The following DPYD variants were observed in gnomAD, a reference collection of about 807,000 sequenced individuals.
DPYD encodes the protein dihydropyrimidine dehydrogenase [NADP(+)].
A neutral mutation model predicts 116.2 loss-of-function variants in DPYD; 109 were observed. The observed-to-expected ratio is 0.94, with a 90% CI of 0.80 to 1.10. DPYD has a LOEUF of 1.10. DPYD is among the 50% of genes least tolerant of loss of function. The probability of loss-of-function intolerance (pLI) is 0.00; values close to 1 mark genes in which losing one functional copy is unlikely to be tolerated. For missense variants in DPYD, 1,302 were observed against 1,254.5 expected (o/e 1.04, Z -0.57); for synonymous variants, 440 against 432.0 (o/e 1.02, Z -0.23).
intron 19 of DPYD, among the ~76,000 whole-genome samples, chr1:97,225,137 C>T (rs1306933719): frequency 6.6e-6 from 1 of 151,852 alleles, no homozygotes; most frequent in Non-Finnish European, 1.5e-5. Context: ...TAGGTCACAT[C>T]GTAGTTCTGT....
chr1:97,526,285 CCT>C (rs1200646358), intron 12 of DPYD, among the ~76,000 whole-genome samples: 2 of 151,994 alleles, frequency 1.3e-5, no homozygotes, highest in African/African-American at 4.8e-5. Flanking sequence ...CGTGCTTTGT[CCT>C]CTTTCTTTCT....
intron 20 of DPYD, among the ~76,000 whole-genome samples, chr1:97,138,973 A>G (rs184488584): frequency 6.6e-6 from 1 of 152,314 alleles, no homozygotes; most frequent in East Asian, 1.9e-4. Flanking sequence ...AATATTACCT[A>G]TCAAATAAAA....
chr1:97,673,103 A>T (rs1037159629), intron 8 of DPYD, among the ~76,000 whole-genome samples: 10 of 146,552 alleles, frequency 6.8e-5, no homozygotes, highest in African/African-American at 2.5e-4. Context: ...TGCACTTGTT[A>T]TTTTTTTTTT....
At chr1:97,227,180 C>A (rs943599473) in intron 19 of DPYD, among the ~76,000 whole-genome samples, 17 of 151,354 alleles carry the variant, frequency 1.1e-4, no homozygotes, top group African/African-American at 4.1e-4. Flanking sequence ...CAAAAATTAG[C>A]TGGATGTGGT....
At chr1:97,734,182 T>A (rs1350745919) in intron 4 of DPYD, among the ~76,000 whole-genome samples, 1 of 152,136 alleles carries the variant, frequency 6.6e-6, no homozygotes. Context: ...TCCTTAAATA[T>A]GTACTTTTAA....
intron 2 of DPYD, among the ~76,000 whole-genome samples, chr1:97,837,687 A>G (rs1015096969): frequency 3.3e-5 from 5 of 152,190 alleles, no homozygotes; most frequent in Admixed American, 2.6e-4. Context: ...GTGATTATCA[A>G]TTCTAAAATT....
intron 20 of DPYD, among the ~76,000 whole-genome samples, chr1:97,147,705 T>C (rs537504198): frequency 6.6e-6 from 1 of 152,270 alleles, no homozygotes; most frequent in African/African-American, 2.4e-5. Context: ...ATTTCTCAAG[T>C]TGTATAAAAT....
intron 2 of DPYD, among the ~76,000 whole-genome samples, chr1:97,843,344 G>C (rs1409628076): frequency 1.3e-5 from 2 of 151,992 alleles, no homozygotes; most frequent in Non-Finnish European, 2.9e-5. Context: ...CAACTCACTA[G>C]AACATTCAGA....
intron 18 of DPYD, among the ~76,000 whole-genome samples, chr1:97,294,422 C>T (rs1013383017): frequency 6.6e-6 from 1 of 152,086 alleles, no homozygotes. Context: ...CCTACCTCAC[C>T]GTCTTCAAAA....
At chr1:97,826,032 CTGTG>C (rs138055564) in intron 3 of DPYD, among the ~76,000 whole-genome samples, 6 of 151,182 alleles carry the variant, frequency 4.0e-5, no homozygotes, top group African/African-American at 1.5e-4. Context: ...TAATGTGTGT[CTGTG>C]TGTGTGTGTA....
chr1:97,208,069 T>C (rs1332728255), intron 19 of DPYD, among the ~76,000 whole-genome samples: 2 of 151,802 alleles, frequency 1.3e-5, no homozygotes, highest in African/African-American at 2.4e-5. Context: ...TTCTCTCTGT[T>C]TGCTGGGAAT....
At chr1:97,650,847 T>TACACAC (rs552228084) in intron 8 of DPYD, among the ~76,000 whole-genome samples, 3 of 149,364 alleles carry the variant, frequency 2.0e-5, no homozygotes, top group Non-Finnish European at 4.5e-5. Flanking sequence ...AAGGTGTGTA[T>TACACAC]ACACACACAC....
At chr1:97,835,930 G>A (rs988925167) in intron 2 of DPYD, among the ~76,000 whole-genome samples, 3 of 152,066 alleles carry the variant, frequency 2.0e-5, no homozygotes, top group East Asian at 1.9e-4. Flanking sequence ...TCACCTTTAA[G>A]CTCTGAACAA....
chr1:97,297,100 A>C (rs1037876501), intron 18 of DPYD, among the ~76,000 whole-genome samples: 2 of 152,198 alleles, frequency 1.3e-5, no homozygotes, highest in Non-Finnish European at 2.9e-5. Context: ...AAGCATAACA[A>C]TTTGAAAACC....
intron 19 of DPYD, among the ~76,000 whole-genome samples, chr1:97,197,243 A>G (rs1344751188): frequency 6.6e-6 from 1 of 152,098 alleles, no homozygotes; most frequent in Non-Finnish European, 1.5e-5. Flanking sequence ...TCTCACAACA[A>G]TTATAAGGAA....
chr1:97,766,309 A>G (rs1402100164), intron 3 of DPYD, among the ~76,000 whole-genome samples: 1 of 152,110 alleles, frequency 6.6e-6, no homozygotes, highest in African/African-American at 2.4e-5. Context: ...TAATGGATTT[A>G]TGAAGTATGG....
intron 3 of DPYD, among the ~76,000 whole-genome samples, chr1:97,802,653 C>T (rs766502724): frequency 1.3e-5 from 2 of 151,876 alleles, no homozygotes; most frequent in African/African-American, 4.8e-5. Context: ...GAGATCTTAT[C>T]CTCCCTTAGT....
intron 10 of DPYD, among the ~76,000 whole-genome samples, chr1:97,585,450 CA>C (rs1401248649): frequency 2.0e-5 from 3 of 152,008 alleles, no homozygotes; most frequent in Non-Finnish European, 4.4e-5. Context: ...TTTATGATGA[CA>C]GGGGGATGAC....
chr1:97,628,684 A>T (rs1008254053), intron 8 of DPYD, among the ~76,000 whole-genome samples: 2 of 152,112 alleles, frequency 1.3e-5, no homozygotes, highest in African/African-American at 4.8e-5. Context: ...ACTTAGACTT[A>T]CAAAATACTT....
Sources: gnomAD v4.1 joint callset for allele counts (sites outside exome capture counted in the v4.1 genomes callset) on GRCh38, gnomAD v4.1.1 for gene constraint, MANE v1.5 for transcripts, NCBI Gene and HGNC (gene_info 2026-07-23, HGNC 2026-07-21) for gene names.